The following FSTL5 variants were observed in gnomAD, a reference collection of about 807,000 sequenced individuals.
FSTL5 encodes the protein follistatin-related protein 5.
Under a neutral mutation model 89.1 loss-of-function variants are expected in FSTL5, and 62 were observed. The ratio of observed to expected loss-of-function variants is 0.70; its 90% CI spans 0.57 to 0.86. The LOEUF (loss-of-function observed/expected upper bound fraction) is 0.86. Among genes scored for constraint, FSTL5 ranks in the 40% least tolerant of loss-of-function variants. The probability of loss-of-function intolerance (pLI) is 0.00; values close to 1 mark genes in which losing one functional copy is unlikely to be tolerated. For synonymous variants in FSTL5, 383 were observed against 346.2 expected (o/e 1.11, Z -1.18); for missense variants, 1,057 against 1,001.6 (o/e 1.06, Z -0.75).
At chr4:162,068,160 TA>T (rs1729423217) in intron 2 of FSTL5, among the ~76,000 whole-genome samples, 1 of 152,118 alleles carries the variant, frequency 6.6e-6, no homozygotes, top group Admixed American at 6.6e-5. Flanking sequence ...CTATTCCCAT[TA>T]AACTTCCATT....
intron 10 of FSTL5, among the ~76,000 whole-genome samples, chr4:161,511,680 A>T (rs567157739): frequency 6.6e-6 from 1 of 152,144 alleles, no homozygotes; most frequent in Non-Finnish European, 1.5e-5. Context: ...TAAATATGTT[A>T]TAAGATGATA....
intron 11 of FSTL5, among the ~76,000 whole-genome samples, chr4:161,506,233 ATT>A (rs35624791): frequency 1.3e-4 from 19 of 145,770 alleles, no homozygotes; most frequent in East Asian, 4.1e-4. Flanking sequence ...CACGCCCGGC[ATT>A]TTTTTTTTTT....
At chr4:161,707,947 C>T (rs1022107091) in intron 6 of FSTL5, among the ~76,000 whole-genome samples, 18 of 151,612 alleles carry the variant, frequency 1.2e-4, no homozygotes, top group Admixed American at 1.2e-3. Flanking sequence ...CCACAAAATA[C>T]CTTCCACATT....
chr4:161,863,084 T>G (rs558282687), intron 4 of FSTL5, among the ~76,000 whole-genome samples: 1 of 152,214 alleles, frequency 6.6e-6, no homozygotes, highest in African/African-American at 2.4e-5. Flanking sequence ...CATTTTTCTA[T>G]CAGTTATAAC....
intron 1 of FSTL5, among the ~76,000 whole-genome samples, chr4:162,136,639 A>G (rs1204353429): frequency 6.6e-6 from 1 of 152,118 alleles, no homozygotes; most frequent in East Asian, 1.9e-4. Flanking sequence ...AGCCATTCAT[A>G]TACCAAAAGG....
intron 7 of FSTL5, among the ~76,000 whole-genome samples, chr4:161,633,171 A>G (rs1735557265): frequency 6.6e-6 from 1 of 151,870 alleles, no homozygotes; most frequent in East Asian, 1.9e-4. Context: ...TTATTAAAAT[A>G]GCAAAAATAT....
At chr4:162,054,632 C>A (rs763245030) in intron 2 of FSTL5, among the ~76,000 whole-genome samples, 9 of 151,894 alleles carry the variant, frequency 5.9e-5, no homozygotes, top group Non-Finnish European at 1.2e-4. Context: ...TTTCCCATCA[C>A]TCTCTTTTCT....
chr4:161,444,040 A>G (rs1355770626), intron 15 of FSTL5, among the ~76,000 whole-genome samples: 2 of 151,976 alleles, frequency 1.3e-5, no homozygotes, highest in East Asian at 1.9e-4. Context: ...CAAAAATCTG[A>G]GTTTTTATTT....
chr4:161,542,808 AC>A, intron 8 of FSTL5, 115 bp from the exon 9 acceptor site: 1 of 532,580 alleles, frequency 1.9e-6, no homozygotes. Flanking sequence ...ATGATGCTAT[AC>A]GTTTCTACAG....
intron 2 of FSTL5, among the ~76,000 whole-genome samples, chr4:162,062,897 T>A (rs1424825408): frequency 6.6e-6 from 1 of 151,710 alleles, no homozygotes; most frequent in African/African-American, 2.4e-5. Context: ...CAAAATATTG[T>A]GTTTTCTGAA....
rs552695978 is a variant in FSTL5 at position 161,880,052 on chromosome 4, C to T, written c.409+40352G>A. Among the ~76,000 whole-genome samples the T allele has an allele frequency of 2.6e-5, 4 of 152,198 alleles. No individual in the cohort carries two copies. The South Asian group carries it at 8.3e-4, about 32-fold the overall frequency. ...GATGCTTAGTCACATCAGCCAAGCCCCTTTTTTGAGATATTCCATGTTTTC... is the reference window on the plus strand; with the variant it reads ...GATGCTTAGTCACATCAGCCAAGCCTCTTTTTTGAGATATTCCATGTTTTC... On this transcript the variant is annotated intron_variant, in intron 4 of 15. Transcript: ENST00000306100.
intron 11 of FSTL5, among the ~76,000 whole-genome samples, chr4:161,502,348 T>G (rs1020367432): frequency 2.0e-5 from 3 of 151,974 alleles, no homozygotes; most frequent in Non-Finnish European, 4.4e-5. Context: ...GAGCATATTT[T>G]CTTGTCTTTT....
chr4:162,082,187 T>G (rs532267024), intron 2 of FSTL5, among the ~76,000 whole-genome samples: 1 of 151,486 alleles, frequency 6.6e-6, no homozygotes, highest in South Asian at 2.1e-4. Flanking sequence ...TAATCCCTTT[T>G]ATAGTAGTTG....
intron 7 of FSTL5, among the ~76,000 whole-genome samples, chr4:161,598,488 A>G (rs1329019116): frequency 6.6e-6 from 1 of 152,136 alleles, no homozygotes; most frequent in Non-Finnish European, 1.5e-5. Flanking sequence ...GACAATCCTG[A>G]AATAGAAAGA....
At chr4:161,391,023 C>G (rs575682424) in intron 15 of FSTL5, among the ~76,000 whole-genome samples, 11 of 152,132 alleles carry the variant, frequency 7.2e-5, no homozygotes, top group Non-Finnish European at 1.5e-4. Flanking sequence ...TTAATTGTTG[C>G]AAATGAAAAG....
At chr4:161,915,816 A>G (rs1336523424) in intron 4 of FSTL5, among the ~76,000 whole-genome samples, 1 of 152,178 alleles carries the variant, frequency 6.6e-6, no homozygotes, top group African/African-American at 2.4e-5. Context: ...TCATTTTTCA[A>G]TGTATATAGA....
rs1451115295 is a variant in FSTL5, at chr4:161,455,140, A to G, written c.1717-12T>C. On this transcript the variant is annotated splice_polypyrimidine_tract_variant and intron_variant, in intron 14 of 15. Transcript: ENST00000306100. ...GCCAGGGTAATTACCTAAAGAGAAC[A>G]CACCTTGGTTAGACCTCAACAATGC... is the stretch of plus-strand genomic sequence containing the variant. The G allele has an allele frequency of 1.9e-6, 3 of 1,591,356 alleles. No individual in the cohort carries two copies. The East Asian group carries it at 6.8e-5, about 36-fold the overall frequency.
chr4:161,384,365 A>G lies in FSTL5; in HGVS notation c.*1382T>C, dbSNP rs1176213647. On this transcript the variant is annotated 3_prime_UTR_variant, in exon 16 of 16. Transcript: ENST00000306100. ...AACAAAAATAAGTACAAGGATTTTC[A>G]AAACATGTAAGCTATTACTTTAAGC... is the stretch of plus-strand genomic sequence containing the variant. 4 of 152,174 alleles carry G rather than the reference A, an allele frequency of 2.6e-5. No homozygotes were observed. 9.4% of individuals were successfully genotyped at this position (152,174 alleles called of 1,614,324 possible).
intron 15 of FSTL5, among the ~76,000 whole-genome samples, chr4:161,454,237 G>C (rs1209453681): frequency 6.6e-6 from 1 of 152,000 alleles, no homozygotes; most frequent in Non-Finnish European, 1.5e-5. Flanking sequence ...TTGAGTAAAA[G>C]GACAAAATCT....
Sources: gnomAD v4.1 joint callset for allele counts (sites outside exome capture counted in the v4.1 genomes callset) on GRCh38, gnomAD v4.1.1 for gene constraint, MANE v1.5 for transcripts, NCBI Gene and HGNC (gene_info 2026-07-23, HGNC 2026-07-21) for gene names.